Variants in RNGTT observed in about 807,000 individuals in gnomAD.
RNGTT encodes the protein mRNA-capping enzyme.
Under a neutral mutation model 79.3 loss-of-function variants are expected in RNGTT, and 33 were observed. The observed-to-expected ratio is 0.42, with a 90% CI of 0.32 to 0.56. The LOEUF is 0.56. Ranked by LOEUF, RNGTT falls within the 20% of genes least tolerant of loss-of-function variation. RNGTT has a pLI of 0.17. For missense variants in RNGTT, 497 were observed against 739.1 expected, an observed-to-expected ratio of 0.67 and a Z score of 3.80; for synonymous variants, 222 against 235.9, an observed-to-expected ratio of 0.94 and a Z score of 0.54.
At chr6:88,826,141 A>T (rs955406665) in intron 11 of RNGTT, among the ~76,000 whole-genome samples, 1 of 152,190 alleles carries the variant, frequency 6.6e-6, no homozygotes, top group African/African-American at 2.4e-5. Flanking sequence ...AGAGATTTCC[A>T]AAGGTATGAA....
At chr6:88,839,309 G>A (rs1781185394) in intron 11 of RNGTT, among the ~76,000 whole-genome samples, 1 of 152,236 alleles carries the variant, frequency 6.6e-6, no homozygotes, top group South Asian at 2.1e-4. Flanking sequence ...GGTGTCTCAT[G>A]CCTGTAATCT....
intron 13 of RNGTT, among the ~76,000 whole-genome samples, chr6:88,755,449 T>C (rs1249315037): frequency 6.6e-6 from 1 of 151,846 alleles, no homozygotes; most frequent in Non-Finnish European, 1.5e-5. Context: ...GAGAAATTCA[T>C]AAAACAAACA....
chr6:88,666,587 T>C (rs1440497305), intron 14 of RNGTT, among the ~76,000 whole-genome samples: 3 of 152,242 alleles, frequency 2.0e-5, no homozygotes. Context: ...ACCCCGCCAC[T>C]GCTTCTGGTA....
At chr6:88,932,498 T>C (rs1784542295) in intron 2 of RNGTT, among the ~76,000 whole-genome samples, 1 of 152,172 alleles carries the variant, frequency 6.6e-6, no homozygotes, top group African/African-American at 2.4e-5. Flanking sequence ...TAATAAAAAC[T>C]TGCTGGTTTT....
chr6:88,660,082 G>A (rs771997552), intron 14 of RNGTT, among the ~76,000 whole-genome samples: 13 of 152,170 alleles, frequency 8.5e-5, no homozygotes, highest in Non-Finnish European at 1.3e-4. Flanking sequence ...GAGATAGTCT[G>A]TTTTAGACAA....
intron 11 of RNGTT, among the ~76,000 whole-genome samples, chr6:88,824,702 C>T (rs915490086): frequency 2.6e-5 from 4 of 151,098 alleles, no homozygotes; most frequent in South Asian, 4.2e-4. Flanking sequence ...ATAAACAAGA[C>T]GCCAACAAAA....
At chr6:88,676,379 AG>A (rs1774875874) in intron 14 of RNGTT, among the ~76,000 whole-genome samples, 1 of 152,082 alleles carries the variant, frequency 6.6e-6, no homozygotes, top group South Asian at 2.1e-4. Flanking sequence ...TGGAAAAAAA[AG>A]ATGACAAAAA....
At chr6:88,827,857 C>G (rs949458928) in intron 11 of RNGTT, among the ~76,000 whole-genome samples, 1 of 152,120 alleles carries the variant, frequency 6.6e-6, no homozygotes, top group South Asian at 2.1e-4. Context: ...CCTCCCTGGG[C>G]AGGGTGTCTG....
chr6:88,927,748 C>T (rs1196271339), intron 4 of RNGTT, among the ~76,000 whole-genome samples: 1 of 149,864 alleles, frequency 6.7e-6, no homozygotes, highest in African/African-American at 2.5e-5. Flanking sequence ...GTGGGAGAAT[C>T]GCTTGAACCT....
intron 13 of RNGTT, among the ~76,000 whole-genome samples, chr6:88,728,667 G>A (rs991751616): frequency 6.6e-6 from 1 of 152,056 alleles, no homozygotes; most frequent in African/African-American, 2.4e-5. Flanking sequence ...ATGATATGGG[G>A]GCTGAGGTTT....
intron 13 of RNGTT, among the ~76,000 whole-genome samples, chr6:88,717,980 C>T (rs1481937261): frequency 6.6e-6 from 1 of 152,156 alleles, no homozygotes; most frequent in Admixed American, 6.5e-5. Context: ...TTCAACTTCA[C>T]TCCTAGGTTA....
rs113853658 is a variant in RNGTT at position 88,837,222 on chromosome 6, C to T, written c.1269+7135G>A. 6.7e-3 allele frequency among the ~76,000 whole-genome samples: 1,020 copies of T among 151,994 alleles called. 5 individuals carry two copies. The highest frequency in any genetic ancestry group is 0.022 in the African/African-American group (914 of 41,356). On this transcript the variant is annotated intron_variant, in intron 11 of 15. Transcript: ENST00000369485. Reference sequence around the variant, plus strand: ...CAGCCTGGTCAAACATACTGAGAGGCACTATCTCCACAAAAAATTTTAAAA... The same window carrying T: ...CAGCCTGGTCAAACATACTGAGAGGTACTATCTCCACAAAAAATTTTAAAA...
intron 4 of RNGTT, among the ~76,000 whole-genome samples, chr6:88,922,302 T>G (rs984112380): frequency 2.0e-5 from 3 of 152,068 alleles, no homozygotes; most frequent in African/African-American, 7.2e-5. Context: ...ATGTCTACAA[T>G]GTATAAAGAT....
chr6:88,793,773 G>A (rs1012334133), intron 12 of RNGTT, among the ~76,000 whole-genome samples: 4 of 152,066 alleles, frequency 2.6e-5, no homozygotes, highest in Non-Finnish European at 5.9e-5. Context: ...TCCAGCCTGG[G>A]CGACAGAGAA....
intron 10 of RNGTT, among the ~76,000 whole-genome samples, chr6:88,848,401 A>G (rs1781557673): frequency 1.3e-5 from 2 of 152,048 alleles, no homozygotes; most frequent in Non-Finnish European, 2.9e-5. Context: ...TGTGCGCACA[A>G]GAAAAAAACA....
At chr6:88,721,066 T>C (rs1776693068) in intron 13 of RNGTT, among the ~76,000 whole-genome samples, 1 of 152,168 alleles carries the variant, frequency 6.6e-6, no homozygotes, top group Non-Finnish European at 1.5e-5. Context: ...GGCATTTTAT[T>C]GGCTGTTCTT....
rs201647829 is a variant in RNGTT, at chr6:88,929,077, G to C, written c.279-4C>G. On this transcript the variant is annotated splice_region_variant and splice_polypyrimidine_tract_variant and intron_variant, in intron 3 of 15. Transcript: ENST00000369485. Reference sequence around the variant, plus strand: ...AGTGGTAGGGCACTCACCATGTCTAGTAATATAGAAAAAGTTTTTTTGAAA... The same window carrying C: ...AGTGGTAGGGCACTCACCATGTCTACTAATATAGAAAAAGTTTTTTTGAAA... The C allele has an allele frequency of 3.1e-6, 5 of 1,607,056 alleles. No individual in the cohort carries two copies. Among genetic ancestry groups the C allele is most frequent in the Non-Finnish European group, 3.4e-6 (4 of 1,176,726 alleles).
intron 4 of RNGTT, among the ~76,000 whole-genome samples, chr6:88,922,482 G>A (rs562609964): frequency 1.1e-4 from 17 of 151,926 alleles, no homozygotes; most frequent in South Asian, 2.1e-4. Context: ...ATTCCTTAAC[G>A]TCATCTAGAA....
intron 8 of RNGTT, among the ~76,000 whole-genome samples, chr6:88,855,784 T>C (rs900987197): frequency 1.3e-5 from 2 of 152,194 alleles, no homozygotes; most frequent in African/African-American, 4.8e-5. Context: ...ACAACAGGAA[T>C]ACTTAGTTCG....
Sources: allele counts gnomAD v4.1 joint callset (sites outside exome capture counted in the v4.1 genomes callset), GRCh38; gene constraint gnomAD v4.1.1; transcripts MANE v1.5; gene names NCBI Gene and HGNC (gene_info 2026-07-23, HGNC 2026-07-21).